ROCK1: variants seen among roughly 807,000 people sequenced by gnomAD.
ROCK1 encodes rho-associated protein kinase 1.
Under a neutral mutation model 196.8 loss-of-function variants are expected in ROCK1, and 36 were observed. That is an observed-to-expected ratio of 0.18 (90% CI 0.14 to 0.24). The LOEUF (loss-of-function observed/expected upper bound fraction) is 0.24, where lower values mean the gene tolerates loss of function less well. Ranked by LOEUF, ROCK1 falls within the 10% of genes least tolerant of loss-of-function variation. ROCK1 has a pLI of 1.00. For missense variants in ROCK1, 920 were observed against 1,562.0 expected (o/e 0.59, Z 6.93); for synonymous variants, 443 against 515.9 (o/e 0.86, Z 1.91).
intron 29 of ROCK1, among the ~76,000 whole-genome samples, chr18:20,958,334 T>TTA (rs1459213816): frequency 2.6e-5 from 4 of 152,080 alleles, no homozygotes; most frequent in Admixed American, 6.5e-5. Context: ...ATACTTTATT[T>TTA]TATATATATA....
At position 21,077,860 on chromosome 18, in the gene ROCK1, T is replaced by C. The variant is rs1468095119; in HGVS notation, c.94-7247A>G. Among the ~76,000 whole-genome samples, 3 of 152,212 alleles carry C rather than the reference T, an allele frequency of 2.0e-5. No individual in the cohort carries two copies. The East Asian group carries it at 5.8e-4, about 29-fold the overall frequency. On this transcript the variant is annotated intron_variant, in intron 1 of 32. Transcript: ENST00000399799. ...TTTGTTTTCTGAGGCTTTTTTGGTATGTATTGGAGCATCTCACATTCAAGG... is the reference window on the plus strand; with the variant it reads ...TTTGTTTTCTGAGGCTTTTTTGGTACGTATTGGAGCATCTCACATTCAAGG...
rs138656365 is a variant in ROCK1, at chr18:20,989,092, G to C, written c.2144-1982C>G. Among the ~76,000 whole-genome samples, 268 of 152,240 alleles carry C rather than the reference G, an allele frequency of 1.8e-3. 1 individual carries two copies. The highest frequency in any genetic ancestry group is 2.0e-3 in the Non-Finnish European group (138 of 68,018). On this transcript the variant is annotated intron_variant, in intron 18 of 32. Coordinates refer to ENST00000399799, the MANE Select transcript of ROCK1 (RefSeq NM_005406.3). ...CTGCAAACAATGAAAAGCCACTAAA[G>C]GATTTTAAGGACAACCAAAATACGA...
intron 1 of ROCK1, among the ~76,000 whole-genome samples, chr18:21,088,761 C>T (rs1598558832): frequency 6.6e-6 from 1 of 151,978 alleles, no homozygotes; most frequent in Non-Finnish European, 1.5e-5. Context: ...AGTTTGGACC[C>T]TTTTTGTCCT....
chr18:21,045,459 A>G lies in ROCK1; in HGVS notation c.423T>C (p.Tyr141=). Residue 141 remains tyrosine (Y), a synonymous_variant, in exon 5 of 33, where the codon TAT becomes TAC. Transcript: ENST00000399799. ...ANSPWVVQLF[Y]AFQDDRYLYM... ...AGAGATAACGATCATCTTGGAATGC[A>G]TAAAAAAGCTATACAAATAGAAAAA... 3 of 1,594,078 alleles carry G rather than the reference A, an allele frequency of 1.9e-6. No homozygotes were observed. Among genetic ancestry groups the G allele is most frequent in the Non-Finnish European group, 2.6e-6 (3 of 1,173,120 alleles).
chr18:21,007,292 A>T (rs1215608177), intron 14 of ROCK1, among the ~76,000 whole-genome samples: 1 of 152,170 alleles, frequency 6.6e-6, no homozygotes, highest in African/African-American at 2.4e-5. Context: ...CTTGTTTTAA[A>T]CACAAGCAAT....
chr18:21,003,974 C>T (rs943197601), intron 16 of ROCK1, among the ~76,000 whole-genome samples: 2 of 152,062 alleles, frequency 1.3e-5, no homozygotes, highest in African/African-American at 4.8e-5. Flanking sequence ...GCCTTTCAAT[C>T]TGAAGAATCA....
At chr18:20,964,896 A>T (rs2035358627) in intron 27 of ROCK1, among the ~76,000 whole-genome samples, 1 of 152,126 alleles carries the variant, frequency 6.6e-6, no homozygotes, top group Non-Finnish European at 1.5e-5. Context: ...GGGTAAAATT[A>T]ATCACTTTCC....
chr18:21,099,731 C>A (rs956995421), intron 1 of ROCK1, among the ~76,000 whole-genome samples: 4 of 152,106 alleles, frequency 2.6e-5, no homozygotes, highest in Admixed American at 2.6e-4. Flanking sequence ...GGGGACAGAG[C>A]AAGACCCTGT....
intron 27 of ROCK1, among the ~76,000 whole-genome samples, chr18:20,962,660 C>T (rs1479736206): frequency 6.6e-6 from 1 of 151,900 alleles, no homozygotes; most frequent in Non-Finnish European, 1.5e-5. Flanking sequence ...TCAAATAAGC[C>T]AGAATTCTAC....
chr18:21,098,945 T>C (rs1476958157), intron 1 of ROCK1, among the ~76,000 whole-genome samples: 1 of 152,188 alleles, frequency 6.6e-6, no homozygotes, highest in African/African-American at 2.4e-5. Context: ...CAACATATTG[T>C]TGGTGAGGAC....
At chr18:21,036,975 C>G (rs2036063089) in intron 9 of ROCK1, among the ~76,000 whole-genome samples, 1 of 151,970 alleles carries the variant, frequency 6.6e-6, no homozygotes, top group African/African-American at 2.4e-5. Context: ...CATTTTTGAT[C>G]TATATAACAC....
At chr18:21,059,113 G>A (rs2036267949) in intron 2 of ROCK1, among the ~76,000 whole-genome samples, 1 of 152,064 alleles carries the variant, frequency 6.6e-6, no homozygotes, top group Non-Finnish European at 1.5e-5. Flanking sequence ...ATTAGTGACT[G>A]TCCAGTCTTA....
intron 19 of ROCK1, among the ~76,000 whole-genome samples, chr18:20,984,797 TCTGTAGTA>T (rs1354728679): frequency 6.6e-6 from 1 of 152,000 alleles, no homozygotes; most frequent in Non-Finnish European, 1.5e-5. Context: ...GCATGAAAAT[TCTGTAGTA>T]CAAGGTGATT....
chr18:21,020,092 T>C, intron 12 of ROCK1, 59 bp downstream of exon 12: 2 of 998,888 alleles, frequency 2.0e-6, no homozygotes, highest in Middle Eastern at 2.2e-4. Context: ...GTATAAGCTT[T>C]CAAGTAAGTA....
intron 1 of ROCK1, among the ~76,000 whole-genome samples, chr18:21,097,900 C>A (rs2036625179): frequency 6.6e-6 from 1 of 152,248 alleles, no homozygotes; most frequent in Non-Finnish European, 1.5e-5. Flanking sequence ...TGAAAAATCC[C>A]AGTCTGACTC....
intron 1 of ROCK1, among the ~76,000 whole-genome samples, chr18:21,094,887 A>G (rs184914074): frequency 5.3e-5 from 8 of 151,946 alleles, no homozygotes; most frequent in Admixed American, 2.0e-4. Context: ...TCTCTACTAA[A>G]AACACCAAAA....
chr18:20,993,821 C>T (rs2035647263), intron 16 of ROCK1, among the ~76,000 whole-genome samples: 1 of 152,086 alleles, frequency 6.6e-6, no homozygotes, highest in Non-Finnish European at 1.5e-5. Flanking sequence ...AAATTTAACA[C>T]ATGTAGTATC....
At chr18:21,080,313 C>T (rs889906970) in intron 1 of ROCK1, among the ~76,000 whole-genome samples, 3 of 151,984 alleles carry the variant, frequency 2.0e-5, no homozygotes, top group Non-Finnish European at 4.4e-5. Context: ...TCCAAGAAGC[C>T]CAGACATTGG....
chr18:21,023,444 A>C (rs2035930886), intron 11 of ROCK1, among the ~76,000 whole-genome samples, 176 bp downstream of exon 11: 1 of 152,188 alleles, frequency 6.6e-6, no homozygotes, highest in Non-Finnish European at 1.5e-5. Context: ...ATTCCATTTG[A>C]TATTTGAGCA....
Sources: allele counts gnomAD v4.1 joint callset (sites outside exome capture counted in the v4.1 genomes callset), GRCh38; gene constraint gnomAD v4.1.1; transcripts MANE v1.5; gene names NCBI Gene and HGNC (gene_info 2026-07-23, HGNC 2026-07-21).